Variants in PRKCB observed in about 807,000 individuals in gnomAD.
PRKCB encodes protein kinase C beta type.
Under a neutral mutation model 81.5 loss-of-function variants are expected in PRKCB, and 13 were observed. The observed-to-expected ratio is 0.16, with a 90% CI of 0.10 to 0.25. The LOEUF (loss-of-function observed/expected upper bound fraction) is 0.25, where lower values mean the gene tolerates loss of function less well. Ranked by LOEUF, PRKCB falls within the 10% of genes least tolerant of loss-of-function variation. The pLI, the probability that PRKCB is intolerant of heterozygous loss-of-function variation, is 1.00. For missense variants in PRKCB, 509 were observed against 875.7 expected, an observed-to-expected ratio of 0.58 and a Z score of 5.29; for synonymous variants, 335 against 321.4, an observed-to-expected ratio of 1.04 and a Z score of -0.45.
chr16:24,172,476 G>GAAAAAAAAAAA, intron 11 of PRKCB, 115 bp downstream of exon 11: 1 of 783,438 alleles, frequency 1.3e-6, no homozygotes, highest in Non-Finnish European at 2.1e-6. Context: ...GCATCTTTTT[G>GAAAAAAAAAAA]AAAAAATATT....
chr16:24,026,526 T>G (rs920625909), intron 3 of PRKCB, among the ~76,000 whole-genome samples: 8 of 152,226 alleles, frequency 5.3e-5, no homozygotes, highest in African/African-American at 1.7e-4. Flanking sequence ...TAGTTGTGAT[T>G]TTGCCCCAGA....
At chr16:23,899,134 T>C (rs1963425294) in intron 2 of PRKCB, among the ~76,000 whole-genome samples, 3 of 152,196 alleles carry the variant, frequency 2.0e-5, no homozygotes, top group Admixed American at 2.0e-4. Flanking sequence ...GTAGAACTCT[T>C]GGAAGTCTGC....
At chr16:24,148,466 A>G (rs1388199063) in intron 9 of PRKCB, among the ~76,000 whole-genome samples, 1 of 152,218 alleles carries the variant, frequency 6.6e-6, no homozygotes, top group African/African-American at 2.4e-5. Flanking sequence ...CCCTAAATTA[A>G]TGTTAACTGA....
intron 3 of PRKCB, among the ~76,000 whole-genome samples, chr16:23,994,395 C>G (rs1348906561): frequency 1.3e-5 from 2 of 152,182 alleles, no homozygotes; most frequent in South Asian, 2.1e-4. Context: ...CATACTGGTT[C>G]TTTGACCTGT....
At chr16:23,852,905 G>A (rs75484618) in intron 2 of PRKCB, among the ~76,000 whole-genome samples, 1 of 152,352 alleles carries the variant, frequency 6.6e-6, no homozygotes, top group Non-Finnish European at 1.5e-5. Context: ...TACTGAGGCT[G>A]AGCCTGAGAA....
At chr16:24,194,746 T>A (rs1375971178) in intron 16 of PRKCB, among the ~76,000 whole-genome samples, 2 of 152,216 alleles carry the variant, frequency 1.3e-5, no homozygotes, top group African/African-American at 4.8e-5. Flanking sequence ...GCATTTGATA[T>A]GATTTCCCAC....
At chr16:24,154,918 G>A (rs1967135042) in intron 10 of PRKCB, 61 bp downstream of exon 10, 3 of 1,549,710 alleles carry the variant, frequency 1.9e-6, no homozygotes, top group Non-Finnish European at 2.6e-6. Flanking sequence ...TTTGGCCAAA[G>A]CTATCTTAGC....
chr16:24,196,669 G>A (rs572209792), intron 16 of PRKCB, among the ~76,000 whole-genome samples: 1 of 152,310 alleles, frequency 6.6e-6, no homozygotes, highest in African/African-American at 2.4e-5. Flanking sequence ...AGTCTGCGGT[G>A]GGGTTTCAGA....
At chr16:24,028,653 A>AGTTC (rs1335289727) in intron 3 of PRKCB, among the ~76,000 whole-genome samples, 3 of 152,260 alleles carry the variant, frequency 2.0e-5, no homozygotes, top group Non-Finnish European at 4.4e-5. Context: ...ATGTGTCAAT[A>AGTTC]GTTCATTCCT....
intron 2 of PRKCB, among the ~76,000 whole-genome samples, chr16:23,931,867 G>C (rs946788289): frequency 6.6e-6 from 1 of 152,162 alleles, no homozygotes; most frequent in African/African-American, 2.4e-5. Context: ...ATCCATATCC[G>C]CACCCAATGC....
chr16:24,078,761 C>G (rs948970113), intron 5 of PRKCB, among the ~76,000 whole-genome samples: 1 of 152,180 alleles, frequency 6.6e-6, no homozygotes, highest in African/African-American at 2.4e-5. Flanking sequence ...GAAATGGTCT[C>G]TAGACTTGTG....
intron 2 of PRKCB, among the ~76,000 whole-genome samples, chr16:23,867,302 A>C (rs1962824446): frequency 1.3e-5 from 2 of 151,868 alleles, no homozygotes; most frequent in Admixed American, 1.3e-4. Flanking sequence ...TTGTATTTTT[A>C]GTAGAGACGG....
intron 2 of PRKCB, among the ~76,000 whole-genome samples, chr16:23,980,456 T>G (rs1371329774): frequency 1.3e-5 from 2 of 152,340 alleles, no homozygotes; most frequent in Non-Finnish European, 2.9e-5. Context: ...ACAGTTTGCA[T>G]GTGTTGTCTT....
intron 2 of PRKCB, among the ~76,000 whole-genome samples, chr16:23,955,768 C>A (rs1474299030): frequency 1.3e-5 from 2 of 152,154 alleles, no homozygotes; most frequent in Non-Finnish European, 2.9e-5. Context: ...CCATGAGTGA[C>A]CAGGGGCTTC....
chr16:24,019,285 A>G (rs182602814), intron 3 of PRKCB, among the ~76,000 whole-genome samples: 71 of 151,984 alleles, frequency 4.7e-4, no homozygotes, highest in Non-Finnish European at 8.5e-4. Flanking sequence ...TTGAGGCTCC[A>G]GTGAACTATG....
At chr16:24,144,079 A>G (rs1446467847) in intron 9 of PRKCB, among the ~76,000 whole-genome samples, 1 of 152,116 alleles carries the variant, frequency 6.6e-6, no homozygotes, top group African/African-American at 2.4e-5. Context: ...GTTATGTTGC[A>G]TATATTTCTG....
intron 10 of PRKCB, among the ~76,000 whole-genome samples, chr16:24,163,774 A>T (rs1420723552): frequency 2.0e-5 from 3 of 152,196 alleles, no homozygotes; most frequent in Admixed American, 2.0e-4. Flanking sequence ...GCGTCATCTG[A>T]TGTATCTTGG....
At chr16:23,952,180 G>C (rs1267452157) in intron 2 of PRKCB, among the ~76,000 whole-genome samples, 1 of 152,210 alleles carries the variant, frequency 6.6e-6, no homozygotes, top group Non-Finnish European at 1.5e-5. Flanking sequence ...CTGCTGCAGA[G>C]ATGGGAGTGA....
At chr16:24,132,833 G>A (rs1311741607) in intron 9 of PRKCB, among the ~76,000 whole-genome samples, 1 of 150,092 alleles carries the variant, frequency 6.7e-6, no homozygotes, top group Non-Finnish European at 1.5e-5. Context: ...CAGGCTGGAG[G>A]GCAGTGGTGC....
Sources: gnomAD v4.1 joint callset for allele counts (sites outside exome capture counted in the v4.1 genomes callset) on GRCh38, gnomAD v4.1.1 for gene constraint, MANE v1.5 for transcripts, NCBI Gene and HGNC (gene_info 2026-07-23, HGNC 2026-07-21) for gene names.